KIF3C: variants seen among roughly 807,000 people sequenced by gnomAD.
KIF3C encodes the protein kinesin family member 3C.
A neutral mutation model predicts 67.7 loss-of-function variants in KIF3C; 12 were observed. The observed-to-expected ratio is 0.18, with a 90% CI of 0.11 to 0.29. The LOEUF (loss-of-function observed/expected upper bound fraction) is 0.29. Ranked by LOEUF, KIF3C falls within the 10% of genes least tolerant of loss-of-function variation. The probability of loss-of-function intolerance (pLI) is 1.00; values close to 1 mark genes in which losing one functional copy is unlikely to be tolerated. For synonymous variants in KIF3C, 393 were observed against 426.2 expected, an observed-to-expected ratio of 0.92 and a Z score of 0.96; for missense variants, 789 against 1,059.6, an observed-to-expected ratio of 0.74 and a Z score of 3.55.
chr2:25,975,304 G>A (rs891557169), intron 1 of KIF3C, among the ~76,000 whole-genome samples: 15 of 152,068 alleles, frequency 9.9e-5, no homozygotes, highest in African/African-American at 3.6e-4. Flanking sequence ...GGGACTACAG[G>A]TACACACCAC....
At position 25,953,336 on chromosome 2, in the gene KIF3C, T is replaced by A. The variant is rs186190554; in HGVS notation, c.1889+931A>T. The stretch of plus-strand genomic sequence containing the variant: ...GCAACTACTATATACACACATTTTT[T>A]AAAATAATTTTTAAAACAAATTTAA... On this transcript the variant is annotated intron_variant, in intron 4 of 7. Coordinates refer to ENST00000264712, the MANE Select transcript of KIF3C (RefSeq NM_002254.8). 1.0e-3 allele frequency among the ~76,000 whole-genome samples: 152 copies of A among 152,260 alleles called. 1 individual carries two copies. In the South Asian group the frequency reaches 0.013, roughly 13 times the overall value.
chr2:25,962,967 A>AATATATAAT lies in KIF3C; in HGVS notation c.1546-6532_1546-6524dup, dbSNP rs1664021115. On this transcript the variant is annotated intron_variant, in intron 1 of 7. Coordinates refer to ENST00000264712, the MANE Select transcript of KIF3C (RefSeq NM_002254.8). The stretch of plus-strand genomic sequence containing the variant: ...ATAATATATAATATATAATATATAT[A>AATATATAAT]ATATATAATATATAATATATAATAT... Among the ~76,000 whole-genome samples, 5 of 24,820 alleles carry AATATATAAT rather than the reference A, an allele frequency of 2.0e-4. 1 individual carries two copies. Among genetic ancestry groups the AATATATAAT allele is most frequent in the Non-Finnish European group, 2.8e-4 (5 of 17,602 alleles). 16.3% of individuals were successfully genotyped at this position (24,820 alleles called of 152,430 possible).
At chr2:25,960,418 TC>T (rs1663916302) in intron 1 of KIF3C, among the ~76,000 whole-genome samples, 1 of 152,064 alleles carries the variant, frequency 6.6e-6, no homozygotes. Flanking sequence ...ATATAACCCA[TC>T]CAAGGTCACA....
chr2:25,963,717 G>A (rs1237356054), intron 1 of KIF3C, among the ~76,000 whole-genome samples: 1 of 149,138 alleles, frequency 6.7e-6, no homozygotes, highest in African/African-American at 2.5e-5. Context: ...TTTTGAGACA[G>A]AGTCTCACTT....
Position 25,980,725 on chromosome 2 carries a change from C to G in KIF3C, c.1193G>C (p.Gly398Ala). ...ARLKAQLEKRGMLGKRPRRKS... is the reference protein window; with the variant it reads ...ARLKAQLEKRAMLGKRPRRKS... The stretch of plus-strand genomic sequence containing the variant: ...CCTCCGGGGCCGCTTCCCCAGCATC[C>G]CCCTCTTCTCCAGCTGGGCCTTCAG... Residue 398 changes from glycine to alanine, a missense_variant, in exon 1 of 8, where the codon GGG becomes GCG. By Grantham distance (60) the Gly-to-Ala change is moderately conservative. Coordinates refer to ENST00000264712, the MANE Select transcript of KIF3C (RefSeq NM_002254.8). The surrounding 1 kb of genome is among the most constrained non-coding windows in gnomAD (Gnocchi z 7.6). 6.2e-7 allele frequency: 1 copy of G among 1,614,150 alleles called. No homozygotes were observed. The highest frequency in any genetic ancestry group is 8.5e-7 in the Non-Finnish European group (1 of 1,180,002).
chr2:25,968,885 G>A (rs932181186), intron 1 of KIF3C, among the ~76,000 whole-genome samples: 1 of 151,670 alleles, frequency 6.6e-6, no homozygotes, highest in African/African-American at 2.4e-5. Flanking sequence ...GTGCAGTGGC[G>A]TGATCTCGGC....
At position 25,980,667 on chromosome 2, in the gene KIF3C, G is replaced by A; in HGVS notation, c.1251C>T (p.Ala417=). The A allele has an allele frequency of 6.2e-7, 1 of 1,614,068 alleles. No individual in the cohort carries two copies. The highest frequency in any genetic ancestry group is 1.6e-4 in the Middle Eastern group (1 of 6,062). The change falls in exon 1 of 8, where the codon GCC becomes GCT. Residue 417 remains alanine (A), a synonymous_variant. Transcript: ENST00000264712. The surrounding 1 kb of genome is among the most constrained non-coding windows in gnomAD (Gnocchi z 7.6). ...KSSRRKKAVS[A]PPGYPEGPVI... Reference sequence around the variant, plus strand: ...CTGGGCCCTCAGGGTACCCAGGCGGGGCGGACACGGCCTTCTTCCTGCGGC... The same window carrying A: ...CTGGGCCCTCAGGGTACCCAGGCGGAGCGGACACGGCCTTCTTCCTGCGGC...
rs192025985 is a variant in KIF3C, at chr2:25,952,823, G to A, written c.1890-918C>T. On this transcript the variant is annotated intron_variant, in intron 4 of 7. Coordinates refer to ENST00000264712, the MANE Select transcript of KIF3C (RefSeq NM_002254.8). ...TCCACCTGCCTCAGCCTCCCAAAGT[G>A]CTGGGATTACAGGTATAAGCCAGCA... 8.8e-3 allele frequency among the ~76,000 whole-genome samples: 1,344 copies of A among 152,054 alleles called. 16 individuals are homozygous for A. Among genetic ancestry groups the A allele is most frequent in the Non-Finnish European group, 0.015 (1,036 of 67,980 alleles).
In KIF3C at chr2:25,955,658, A is replaced by G. The variant is rs1398830707; in HGVS notation, c.1653T>C (p.Arg551=). Residue 551 remains arginine (R), a synonymous_variant, in exon 3 of 8, where the codon CGT becomes CGC. Transcript: ENST00000264712. This position sits in a 1 kb window ranked among gnomAD's most constrained non-coding sequence, Gnocchi z 5.0. The part of the protein sequence containing the change: ...LKRQEIAEQK[R]REREMQQEMM... Reference sequence around the variant, plus strand: ...TCTCCTGCTGCATCTCCCGCTCACGACGTTTCTAGGCCAAGGACGGGCAGT... The same window carrying G: ...TCTCCTGCTGCATCTCCCGCTCACGGCGTTTCTAGGCCAAGGACGGGCAGT... The G allele has an allele frequency of 6.2e-7, 1 of 1,613,952 alleles. No individual in the cohort carries two copies. Among genetic ancestry groups the G allele is most frequent in the South Asian group, 1.1e-5 (1 of 91,070 alleles).
chr2:25,963,020 A>T (rs11899668), intron 1 of KIF3C, among the ~76,000 whole-genome samples: 11,449 of 30,302 alleles, frequency 0.38, 2,707 homozygotes, highest in Middle Eastern at 0.45. Flanking sequence ...TAATATATAT[A>T]ATATATAATA....
chr2:25,961,027 G>T (rs1385710717), intron 1 of KIF3C, among the ~76,000 whole-genome samples: 1 of 152,244 alleles, frequency 6.6e-6, no homozygotes, highest in Non-Finnish European at 1.5e-5. Flanking sequence ...TATTGCAGGG[G>T]CTGTGGTGAC....
chr2:25,952,084 G>A (rs937629510), intron 4 of KIF3C, among the ~76,000 whole-genome samples, 179 bp from the exon 5 acceptor site: 1 of 152,170 alleles, frequency 6.6e-6, no homozygotes, highest in Admixed American at 6.5e-5. Context: ...GAGGTCAGGA[G>A]ATCAAGACCA....
intron 7 of KIF3C, 62 bp from the exon 8 acceptor site, chr2:25,929,133 G>A (rs2149220015): frequency 4.7e-6 from 7 of 1,487,806 alleles, no homozygotes; most frequent in East Asian, 4.5e-5. Context: ...CAGGAAAGTG[G>A]GTCCTCTCCT....
At chr2:25,935,070 C>T (rs1040316079) in intron 5 of KIF3C, among the ~76,000 whole-genome samples, 1 of 151,956 alleles carries the variant, frequency 6.6e-6, no homozygotes, top group South Asian at 2.1e-4. Flanking sequence ...ATGGTGAAAC[C>T]CCGTCTCTAC....
At position 25,981,327 on chromosome 2, in the gene KIF3C, C is replaced by T. The variant is rs775680483; in HGVS notation, c.591G>A (p.Leu197=). 2 of 1,614,180 alleles carry T rather than the reference C, an allele frequency of 1.2e-6. No homozygotes were observed. The highest frequency in any genetic ancestry group is 2.2e-5 in the South Asian group (2 of 91,080). ...TGCCCACAGCCCGGGTCTGGTTCCC[C>T]AGGTTCATCACATGCTCAATCTCCT... is the stretch of plus-strand genomic sequence containing the variant. ...NVKEIEHVMN[L]GNQTRAVGST... The change falls in exon 1 of 8, where the codon CTG becomes CTA. Residue 197 remains leucine, a synonymous_variant. Transcript: ENST00000264712. The surrounding 1 kb of genome is among the most constrained non-coding windows in gnomAD (Gnocchi z 8.2).
chr2:25,951,150 A>G (rs1304656253), intron 5 of KIF3C, among the ~76,000 whole-genome samples: 1 of 152,148 alleles, frequency 6.6e-6, no homozygotes, highest in East Asian at 1.9e-4. Context: ...CAGCCGGGCA[A>G]GGCCTCACTC....
chr2:25,970,634 T>C (rs1574496002), intron 1 of KIF3C, among the ~76,000 whole-genome samples: 1 of 117,430 alleles, frequency 8.5e-6, no homozygotes, highest in South Asian at 2.6e-4. Context: ...GCCATCACAC[T>C]CCAGCCTGGG....
At position 25,958,453 on chromosome 2, in the gene KIF3C, C is replaced by T. The variant is rs533682870; in HGVS notation, c.1546-2009G>A. Reference sequence around the variant, plus strand: ...AAAATTAGCTGGGTGTGGTGGCGTGCACCTGTAGTCCTAGATACTCAGGAG... The same window carrying T: ...AAAATTAGCTGGGTGTGGTGGCGTGTACCTGTAGTCCTAGATACTCAGGAG... On this transcript the variant is annotated intron_variant, in intron 1 of 7. Coordinates refer to ENST00000264712, the MANE Select transcript of KIF3C (RefSeq NM_002254.8). This position sits in a 1 kb window ranked among gnomAD's most constrained non-coding sequence, Gnocchi z 4.5. Among the ~76,000 whole-genome samples, 2 of 152,000 alleles carry T rather than the reference C, an allele frequency of 1.3e-5. No individual in the cohort carries two copies. Among genetic ancestry groups the T allele is most frequent in the Non-Finnish European group, 2.9e-5 (2 of 67,982 alleles).
Position 25,970,268 on chromosome 2 carries a change from G to A in KIF3C, c.1545+10105C>T, listed in dbSNP as rs919019226. ...TGGCCCTACCACTTTCTAGGTGTGC[G>A]AACTTGGAATGTTCATTCCTTAATG... is the stretch of plus-strand genomic sequence containing the variant. On this transcript the variant is annotated intron_variant, in intron 1 of 7. Transcript: ENST00000264712. Among the ~76,000 whole-genome samples, 16 of 152,276 alleles carry A rather than the reference G, an allele frequency of 1.1e-4. No homozygotes were observed. In the South Asian group the frequency reaches 1.7e-3, roughly 16 times the overall value.
Sources: allele counts gnomAD v4.1 joint callset (sites outside exome capture counted in the v4.1 genomes callset), GRCh38; gene constraint gnomAD v4.1.1; non-coding constraint Gnocchi (gnomAD v3.1); transcripts MANE v1.5; gene names NCBI Gene and HGNC (gene_info 2026-07-23, HGNC 2026-07-21).